The following DSCAM variants were observed in gnomAD, a reference collection of about 807,000 sequenced individuals.
The protein encoded by DSCAM is cell adhesion molecule DSCAM.
Under a neutral mutation model 217.7 loss-of-function variants are expected in DSCAM, and 47 were observed. The observed-to-expected ratio is 0.22, with a 90% CI of 0.17 to 0.28. DSCAM has a LOEUF of 0.28. Ranked by LOEUF, DSCAM falls within the 10% of genes least tolerant of loss-of-function variation. The pLI, the probability that DSCAM is intolerant of heterozygous loss-of-function variation, is 1.00. For missense variants in DSCAM, 2,080 were observed against 2,618.3 expected (o/e 0.79, Z 4.49); for synonymous variants, 1,056 against 1,015.3 (o/e 1.04, Z -0.76).
intron 11 of DSCAM, among the ~76,000 whole-genome samples, chr21:40,269,177 C>G (rs1276162913): frequency 6.6e-6 from 1 of 152,148 alleles, no homozygotes; most frequent in Non-Finnish European, 1.5e-5. Flanking sequence ...CCCACATTGG[C>G]CTAGACAGCA....
At chr21:40,234,408 G>C (rs2091407990) in intron 11 of DSCAM, among the ~76,000 whole-genome samples, 1 of 152,198 alleles carries the variant, frequency 6.6e-6, no homozygotes, top group African/African-American at 2.4e-5. Flanking sequence ...GGATAAATGA[G>C]ATTACATAAG....
chr21:40,656,523 A>T (rs1346288007), intron 3 of DSCAM, among the ~76,000 whole-genome samples: 1 of 84,938 alleles, frequency 1.2e-5, no homozygotes, highest in African/African-American at 5.6e-5. Flanking sequence ...GCTTCAATAG[A>T]AAAAAAAAAA....
Position 40,338,083 on chromosome 21 carries a change from C to G in DSCAM, c.1783+18G>C, listed in dbSNP as rs933649962. ...GCTATGGAATGAGTTGTGTGGGAAC[C>G]AGGAGAACAGGGCTTACCTTTCACG... On this transcript the variant is annotated intron_variant, in intron 8 of 32. Coordinates refer to ENST00000400454, the MANE Select transcript of DSCAM (RefSeq NM_001389.5). The G allele has an allele frequency of 6.2e-7, 1 of 1,610,444 alleles. No individual in the cohort carries two copies. Among genetic ancestry groups the G allele is most frequent in the Admixed American group, 1.7e-5 (1 of 59,934 alleles).
At chr21:40,702,464 G>C (rs2090666954) in intron 2 of DSCAM, among the ~76,000 whole-genome samples, 2 of 152,060 alleles carry the variant, frequency 1.3e-5, no homozygotes, top group Admixed American at 6.5e-5. Flanking sequence ...ACTTTAATTA[G>C]GTTGATTTGA....
chr21:40,035,725 C>G (rs2088607993), intron 32 of DSCAM, among the ~76,000 whole-genome samples: 1 of 150,902 alleles, frequency 6.6e-6, no homozygotes, highest in African/African-American at 2.5e-5. Context: ...TTTTTCAGCA[C>G]CACACCACAC....
intron 1 of DSCAM, among the ~76,000 whole-genome samples, chr21:40,779,528 G>A (rs549092150): frequency 7.9e-5 from 12 of 152,308 alleles, no homozygotes; most frequent in African/African-American, 2.6e-4. Context: ...TTACAATAGG[G>A]AATAAGAGAG....
chr21:40,615,867 A>G (rs1266515869), intron 3 of DSCAM, among the ~76,000 whole-genome samples: 5 of 152,282 alleles, frequency 3.3e-5, no homozygotes, highest in African/African-American at 1.2e-4. Flanking sequence ...GCATATCATT[A>G]AAGGCCACGG....
chr21:40,202,465 T>C (rs1395081065), intron 11 of DSCAM, among the ~76,000 whole-genome samples: 2 of 152,244 alleles, frequency 1.3e-5, no homozygotes, highest in African/African-American at 4.8e-5. Flanking sequence ...AGCCGTTCAG[T>C]GTGCTGTGTC....
At chr21:40,296,831 C>CAAAAAAAAAAA (rs58219836) in intron 9 of DSCAM, among the ~76,000 whole-genome samples, 2 of 53,806 alleles carry the variant, frequency 3.7e-5, no homozygotes, top group East Asian at 5.6e-4. Flanking sequence ...AACTCCATCT[C>CAAAAAAAAAAA]AAAAAAAAAA....
chr21:40,592,971 G>T (rs2076994756), intron 3 of DSCAM, among the ~76,000 whole-genome samples: 1 of 152,204 alleles, frequency 6.6e-6, no homozygotes, highest in African/African-American at 2.4e-5. Context: ...GGTTTTAAAA[G>T]ATGCAAAACA....
intron 11 of DSCAM, among the ~76,000 whole-genome samples, chr21:40,226,378 C>A (rs2146913910): frequency 6.6e-6 from 1 of 152,276 alleles, no homozygotes; most frequent in African/African-American, 2.4e-5. Flanking sequence ...AAATTTCTCC[C>A]TTGAACACTG....
intron 3 of DSCAM, among the ~76,000 whole-genome samples, chr21:40,510,811 C>T (rs147166200): frequency 0.017 from 2,649 of 152,264 alleles, 26 homozygotes; most frequent in Middle Eastern, 0.061. Context: ...AAACAGTATG[C>T]CAACAATTGG....
At chr21:40,060,491 GCA>G (rs1228827319) in intron 28 of DSCAM, among the ~76,000 whole-genome samples, 3 of 150,158 alleles carry the variant, frequency 2.0e-5, no homozygotes, top group African/African-American at 7.3e-5. Context: ...GTTGTGCAGA[GCA>G]CAGTTGAGGG....
intron 30 of DSCAM, among the ~76,000 whole-genome samples, chr21:40,048,360 T>C (rs2088875736): frequency 6.9e-6 from 1 of 145,788 alleles, no homozygotes; most frequent in Admixed American, 7.0e-5. Flanking sequence ...TCAGACACTG[T>C]GGCTGGTATG....
chr21:40,044,200 C>T lies in DSCAM; in HGVS notation c.5261G>A (p.Arg1754Gln), dbSNP rs371247904. 41 of 1,613,988 alleles carry T rather than the reference C, an allele frequency of 2.5e-5. No individual in the cohort carries two copies. The highest frequency in any genetic ancestry group is 3.3e-4 in the Middle Eastern group (2 of 6,070). The change falls in exon 31 of 33, where the codon CGA becomes CAA. Residue 1754 changes from arginine to glutamine, a missense_variant. This residue lies in a region of DSCAM where 1,144 missense variants were observed against 1,421.1 expected (regional missense o/e 0.81). Transcript: ENST00000400454. ...GTGTGCTGAGATGGTGGGGTGGGGT[C>T]GGTTGAGGGTCCACTGGCTGGCATA... ...NRYASQWTLN[R>Q]PHPTISAHTL...
intron 26 of DSCAM, 42 bp downstream of exon 26, chr21:40,078,645 C>G: frequency 6.3e-7 from 1 of 1,592,354 alleles, no homozygotes; most frequent in Non-Finnish European, 8.6e-7. Flanking sequence ...GTGCACATCC[C>G]CCAAGACACA....
Position 40,078,798 on chromosome 21 carries a change from T to G in DSCAM, c.4600A>C (p.Ile1534Leu). 1 of 1,614,224 alleles carries G rather than the reference T, an allele frequency of 6.2e-7. No homozygotes were observed. The highest frequency in any genetic ancestry group is 1.1e-5 in the South Asian group (1 of 91,082). ...GTGGCTTCCTGCAGGTCATACAGGA[T>G]GTAGGACTTGGAGAGAGAGGTCCTC... ...AQRTSLSKSY[I>L]LYDLQEATWY... Residue 1534 changes from isoleucine to leucine, a missense_variant, in exon 26 of 33, where the codon ATC (isoleucine) becomes CTC (leucine). Physicochemically the swap from Ile to Leu is conservative, Grantham distance 5. Around this residue, in one of 5 missense-constraint regions of DSCAM, gnomAD observed 1,144 missense variants for 1,421.1 expected, o/e 0.81. Coordinates refer to ENST00000400454, the MANE Select transcript of DSCAM (RefSeq NM_001389.5).
intron 1 of DSCAM, among the ~76,000 whole-genome samples, chr21:40,797,833 T>G (rs1252595421): frequency 6.6e-6 from 1 of 152,118 alleles, no homozygotes; most frequent in Non-Finnish European, 1.5e-5. Flanking sequence ...TTAATACAGT[T>G]GTAAGGATCT....
intron 1 of DSCAM, among the ~76,000 whole-genome samples, chr21:40,712,695 A>G (rs1053490436): frequency 2.0e-5 from 3 of 152,144 alleles, no homozygotes; most frequent in Non-Finnish European, 4.4e-5. Flanking sequence ...TGTTGATAAT[A>G]TAATGTAACC....
Sources: allele counts gnomAD v4.1 joint callset (sites outside exome capture counted in the v4.1 genomes callset), GRCh38; gene constraint gnomAD v4.1.1; regional missense constraint gnomAD v4.1.1; transcripts MANE v1.5; gene names NCBI Gene and HGNC (gene_info 2026-07-23, HGNC 2026-07-21).